NIBAN2: variants seen among roughly 807,000 people sequenced by gnomAD.
NIBAN2 encodes protein Niban 2.
In NIBAN2, 36 loss-of-function variants were observed where a neutral mutation model predicts 81.8. That is an observed-to-expected ratio of 0.44 (90% CI 0.34 to 0.58). The LOEUF (loss-of-function observed/expected upper bound fraction) is 0.58. Ranked by LOEUF, NIBAN2 falls within the 20% of genes least tolerant of loss-of-function variation. The pLI is 0.02. For synonymous variants in NIBAN2, 445 were observed against 441.6 expected (o/e 1.01, Z -0.10); for missense variants, 897 against 1,014.1 (o/e 0.88, Z 1.57).
chr9:127,565,521 G>T (rs1278342142), intron 1 of NIBAN2, among the ~76,000 whole-genome samples: 1 of 152,012 alleles, frequency 6.6e-6, no homozygotes, highest in African/African-American at 2.4e-5. Flanking sequence ...GGCTGGGCGT[G>T]GTGGCTCACG....
At chr9:127,523,210 TATATATATATATATATATATATATATATA>T (rs1836991595) in intron 5 of NIBAN2, among the ~76,000 whole-genome samples, 2 of 4,348 alleles carry the variant, frequency 4.6e-4, no homozygotes, top group African/African-American at 2.9e-3. Flanking sequence ...TATATATATA[TATATATATATATATATATATATATATATA>T]TATATATATA....
chr9:127,565,946 T>TCTCTCACA (rs751937125), intron 1 of NIBAN2, among the ~76,000 whole-genome samples: 57 of 130,616 alleles, frequency 4.4e-4, no homozygotes, highest in African/African-American at 1.6e-3. Flanking sequence ...TCTCTCTCTC[T>TCTCTCACA]CACACACACA....
chr9:127,551,158 G>A (rs573818004), intron 1 of NIBAN2, among the ~76,000 whole-genome samples: 1 of 152,282 alleles, frequency 6.6e-6, no homozygotes, highest in Non-Finnish European at 1.5e-5. Context: ...GGAGGCCAAG[G>A]TGGGTGGATC....
rs1258340113 is a variant in NIBAN2, at chr9:127,568,934, G to A, written c.-60C>T. On this transcript the variant is annotated 5_prime_UTR_variant, in exon 1 of 14. Coordinates refer to ENST00000373312, the MANE Select transcript of NIBAN2 (RefSeq NM_022833.4). Reference sequence around the variant, plus strand: ...CCGCCGCTGTTGCCCGCGCTGCTCAGGCGGACGCCGCTGGCGCCATGGAGC... The same window carrying A: ...CCGCCGCTGTTGCCCGCGCTGCTCAAGCGGACGCCGCTGGCGCCATGGAGC... The A allele has an allele frequency of 2.5e-6, 3 of 1,209,458 alleles. No homozygotes were observed. Among genetic ancestry groups the A allele is most frequent in the African/African-American group, 3.2e-5 (2 of 62,302 alleles). 74.9% of individuals were successfully genotyped at this position (1,209,458 alleles called of 1,614,324 possible).
intron 1 of NIBAN2, among the ~76,000 whole-genome samples, chr9:127,566,899 A>AC (rs1181547350): frequency 4.7e-5 from 3 of 64,268 alleles, no homozygotes; most frequent in African/African-American, 1.2e-4. Flanking sequence ...CCAACACCCC[A>AC]CCCCCCCACA....
At chr9:127,510,446 A>AT (rs1051532191) in intron 8 of NIBAN2, 113 bp from the exon 9 acceptor site, 32 of 682,338 alleles carry the variant, frequency 4.7e-5, no homozygotes, top group South Asian at 3.2e-4. Flanking sequence ...TTATTATTAT[A>AT]TTTTTTTTGA....
intron 5 of NIBAN2, among the ~76,000 whole-genome samples, chr9:127,522,813 C>T (rs943256537): frequency 2.0e-5 from 3 of 151,936 alleles, no homozygotes; most frequent in African/African-American, 4.8e-5. Context: ...TGAACCATAA[C>T]CTCCTCAAGG....
chr9:127,512,974 C>CTGT (rs1836763774), intron 8 of NIBAN2, among the ~76,000 whole-genome samples: 1 of 152,128 alleles, frequency 6.6e-6, no homozygotes, highest in Non-Finnish European at 1.5e-5. Context: ...ACCTAAGTGT[C>CTGT]CATAACAGAC....
Position 127,517,036 on chromosome 9 carries a change from TGAA to T in NIBAN2, c.811-20_811-18del. 6.2e-7 allele frequency: 1 copy of T among 1,612,076 alleles called. No individual in the cohort carries two copies. The highest frequency in any genetic ancestry group is 1.1e-5 in the South Asian group (1 of 91,024). On this transcript the variant is annotated intron_variant, in intron 7 of 13. Coordinates refer to ENST00000373312, the MANE Select transcript of NIBAN2 (RefSeq NM_022833.4). The surrounding 1 kb of genome is among the most constrained non-coding windows in gnomAD (Gnocchi z 4.0). ...GTCCGAGATCTGTGGGCAGAGCAGC[TGAA>T]TTGGCACCAGGGCTGAGGGCACCGC...
At chr9:127,556,037 G>A (rs953463882) in intron 1 of NIBAN2, among the ~76,000 whole-genome samples, 12 of 145,360 alleles carry the variant, frequency 8.3e-5, no homozygotes, top group African/African-American at 2.7e-4. Context: ...CACCCTACCC[G>A]CACCCCTCCA....
At chr9:127,557,872 CCTT>C (rs1564318086) in intron 1 of NIBAN2, among the ~76,000 whole-genome samples, 1 of 152,208 alleles carries the variant, frequency 6.6e-6, no homozygotes, top group African/African-American at 2.4e-5. Flanking sequence ...CTGCCACCCT[CCTT>C]GAGAGATGGG....
chr9:127,563,780 C>T lies in NIBAN2; in HGVS notation c.55+5040G>A, dbSNP rs1190752723. Reference sequence around the variant, plus strand: ...ATCTGCCTGCCTGTCTCCCAAAGCGCTGGAATTACAAGCGTGAGTCACCGC... The same window carrying T: ...ATCTGCCTGCCTGTCTCCCAAAGCGTTGGAATTACAAGCGTGAGTCACCGC... On this transcript the variant is annotated intron_variant, in intron 1 of 13. Coordinates refer to ENST00000373312, the MANE Select transcript of NIBAN2 (RefSeq NM_022833.4). This position sits in a 1 kb window ranked among gnomAD's most constrained non-coding sequence, Gnocchi z 4.1. Among the ~76,000 whole-genome samples, 3 of 152,154 alleles carry T rather than the reference C, an allele frequency of 2.0e-5. No individual in the cohort carries two copies. Among genetic ancestry groups the T allele is most frequent in the African/African-American group, 7.2e-5 (3 of 41,422 alleles).
In NIBAN2 at chr9:127,507,481, G is replaced by A. The variant is rs767092510; in HGVS notation, c.1655-50C>T. ...AGGACACAGCACTGATCCCACAGCC[G>A]CCCCTGTGCTGGACTCTGCTCAAAG... On this transcript the variant is annotated intron_variant, in intron 13 of 13. Coordinates refer to ENST00000373312, the MANE Select transcript of NIBAN2 (RefSeq NM_022833.4). The surrounding 1 kb of genome is among the most constrained non-coding windows in gnomAD (Gnocchi z 6.8). 21 of 1,409,704 alleles carry A rather than the reference G, an allele frequency of 1.5e-5. No homozygotes were observed. The highest frequency in any genetic ancestry group is 1.9e-5 in the Non-Finnish European group (20 of 1,059,746). 87.3% of individuals were successfully genotyped at this position (1,409,704 alleles called of 1,614,324 possible).
At chr9:127,527,401 C>T in intron 2 of NIBAN2, 79 bp from the exon 3 acceptor site, 1 of 1,415,378 alleles carries the variant, frequency 7.1e-7, no homozygotes, top group Non-Finnish European at 9.9e-7. Flanking sequence ...GCCCAGCCAG[C>T]AGAGCCTGTG....
In NIBAN2 at chr9:127,527,372, G is replaced by T. The variant is rs748147382; in HGVS notation, c.187-50C>A. ...TGAGGCCCAGGTCTGGGGGGGTGGT[G>T]CTCCCCATGAAGCTGATGGCCCAGC... is the stretch of plus-strand genomic sequence containing the variant. On this transcript the variant is annotated intron_variant, in intron 2 of 13. Coordinates refer to ENST00000373312, the MANE Select transcript of NIBAN2 (RefSeq NM_022833.4). The T allele has an allele frequency of 5.2e-6, 8 of 1,551,372 alleles. No homozygotes were observed. In the African/African-American group the frequency reaches 1.1e-4, roughly 21 times the overall value.
At chr9:127,537,063 C>G (rs1837293300) in intron 1 of NIBAN2, among the ~76,000 whole-genome samples, 1 of 152,232 alleles carries the variant, frequency 6.6e-6, no homozygotes, top group East Asian at 1.9e-4. Flanking sequence ...ATTGACTCTG[C>G]CCCAGGTGCT....
At chr9:127,512,256 G>A (rs572249996) in intron 8 of NIBAN2, among the ~76,000 whole-genome samples, 28 of 150,812 alleles carry the variant, frequency 1.9e-4, no homozygotes, top group South Asian at 8.4e-4. Context: ...AAGTTCTCCC[G>A]CCTTTCCGGA....
intron 1 of NIBAN2, among the ~76,000 whole-genome samples, chr9:127,535,256 T>G (rs1287208096): frequency 6.6e-6 from 1 of 151,992 alleles, no homozygotes; most frequent in Non-Finnish European, 1.5e-5. Context: ...CTGTGAGGAC[T>G]CGAACACAGG....
intron 9 of NIBAN2, chr9:127,509,829 C>T (rs77611926): frequency 6.3e-6 from 1 of 158,328 alleles, no homozygotes; most frequent in South Asian, 2.1e-4. Context: ...CCTCTCCTTC[C>T]CTCCTTCCCT....
Sources: allele counts gnomAD v4.1 joint callset (sites outside exome capture counted in the v4.1 genomes callset), GRCh38; gene constraint gnomAD v4.1.1; non-coding constraint Gnocchi (gnomAD v3.1); transcripts MANE v1.5; gene names NCBI Gene and HGNC (gene_info 2026-07-23, HGNC 2026-07-21).